Variants in WWOX observed in about 807,000 individuals in gnomAD.
WWOX encodes the protein WW domain-containing oxidoreductase.
A neutral mutation model predicts 46.2 loss-of-function variants in WWOX; 69 were observed. The ratio of observed to expected loss-of-function variants is 1.49; its 90% CI spans 1.23 to 1.82. The LOEUF (loss-of-function observed/expected upper bound fraction) is 1.82, where lower values mean the gene tolerates loss of function less well. Ranked by LOEUF, WWOX falls within the 40% of genes most tolerant of loss-of-function variation. The probability of loss-of-function intolerance (pLI) is 0.00; values close to 1 mark genes in which losing one functional copy is unlikely to be tolerated. For synonymous variants in WWOX, 359 were observed against 202.6 expected, an observed-to-expected ratio of 1.77 and a Z score of -6.56; for missense variants, 919 against 542.6, an observed-to-expected ratio of 1.69 and a Z score of -6.89.
At chr16:78,554,824 ACT>A (rs1026760315) in intron 8 of WWOX, among the ~76,000 whole-genome samples, 142 of 152,168 alleles carry the variant, frequency 9.3e-4, no homozygotes, top group African/African-American at 3.3e-3. Context: ...AGAGCCCCTG[ACT>A]CTGAATGGTG....
At chr16:79,040,562 C>T (rs1037862990) in intron 8 of WWOX, among the ~76,000 whole-genome samples, 2 of 152,152 alleles carry the variant, frequency 1.3e-5, no homozygotes, top group African/African-American at 4.8e-5. Context: ...AGGTATCAGC[C>T]ACTGGGCCTG....
chr16:78,162,423 C>T (rs921849463), intron 4 of WWOX, among the ~76,000 whole-genome samples: 1 of 151,888 alleles, frequency 6.6e-6, no homozygotes, highest in African/African-American at 2.4e-5. Context: ...TACACACATA[C>T]AGATACACAC....
intron 8 of WWOX, among the ~76,000 whole-genome samples, chr16:78,518,739 A>G (rs1321670178): frequency 6.6e-6 from 1 of 152,208 alleles, no homozygotes; most frequent in Admixed American, 6.5e-5. Context: ...GAAGGTCCCA[A>G]TGGCACCAGA....
At chr16:78,617,682 A>G (rs1317579613) in intron 8 of WWOX, among the ~76,000 whole-genome samples, 2 of 152,140 alleles carry the variant, frequency 1.3e-5, no homozygotes, top group African/African-American at 2.4e-5. Flanking sequence ...CAGGTATTCC[A>G]GTGGGCCCCG....
chr16:79,052,788 T>C (rs991724745), intron 8 of WWOX, among the ~76,000 whole-genome samples: 4 of 152,234 alleles, frequency 2.6e-5, no homozygotes, highest in African/African-American at 9.6e-5. Flanking sequence ...CTGAGGAAAT[T>C]AAATTCCTGT....
chr16:78,894,133 G>C (rs1416141171), intron 8 of WWOX, among the ~76,000 whole-genome samples: 1 of 151,428 alleles, frequency 6.6e-6, no homozygotes, highest in East Asian at 1.9e-4. Flanking sequence ...TGACCTCCTG[G>C]GCTCAAGCAA....
At chr16:78,674,216 A>G (rs1334211887) in intron 8 of WWOX, among the ~76,000 whole-genome samples, 4 of 151,722 alleles carry the variant, frequency 2.6e-5, no homozygotes, top group East Asian at 1.9e-4. Flanking sequence ...AGGGAGGAAC[A>G]TAGGGTGCAT....
At chr16:78,695,008 G>A (rs894556231) in intron 8 of WWOX, among the ~76,000 whole-genome samples, 1 of 151,978 alleles carries the variant, frequency 6.6e-6, no homozygotes, top group Non-Finnish European at 1.5e-5. Flanking sequence ...GTAAACACAG[G>A]GAATAGATGA....
intron 8 of WWOX, among the ~76,000 whole-genome samples, chr16:78,729,998 T>A (rs922465900): frequency 6.6e-6 from 1 of 152,150 alleles, no homozygotes; most frequent in Non-Finnish European, 1.5e-5. Flanking sequence ...CCTTGCAACA[T>A]CATCCTTGTG....
chr16:78,886,650 A>C (rs1470038144), intron 8 of WWOX, among the ~76,000 whole-genome samples: 1 of 148,756 alleles, frequency 6.7e-6, no homozygotes, highest in East Asian at 1.9e-4. Flanking sequence ...ATATATATAT[A>C]TATATATGTA....
intron 5 of WWOX, among the ~76,000 whole-genome samples, chr16:78,272,069 A>G (rs1228652332): frequency 6.6e-6 from 1 of 152,216 alleles, no homozygotes; most frequent in East Asian, 1.9e-4. Flanking sequence ...CAATTTATGT[A>G]TAGCCGCATA....
chr16:78,561,381 G>C (rs1487243410), intron 8 of WWOX, among the ~76,000 whole-genome samples: 4 of 151,970 alleles, frequency 2.6e-5, no homozygotes, highest in Non-Finnish European at 4.4e-5. Context: ...TGATGTCTAG[G>C]TCTGGATTTC....
chr16:78,626,074 T>A (rs902378978), intron 8 of WWOX, among the ~76,000 whole-genome samples: 23 of 151,938 alleles, frequency 1.5e-4, no homozygotes, highest in African/African-American at 5.6e-4. Context: ...TTTAAAAAAT[T>A]TTTTACCTAA....
chr16:78,635,789 T>C (rs1408425906), intron 8 of WWOX, among the ~76,000 whole-genome samples: 1 of 152,182 alleles, frequency 6.6e-6, no homozygotes, highest in African/African-American at 2.4e-5. Flanking sequence ...ATGTCCATGT[T>C]GGAAAAACAG....
chr16:78,399,879 G>C (rs1286948380), intron 6 of WWOX, among the ~76,000 whole-genome samples: 1 of 152,142 alleles, frequency 6.6e-6, no homozygotes, highest in Admixed American at 6.5e-5. Flanking sequence ...CCAGTAAATT[G>C]TTGAGAAGCT....
chr16:78,147,702 A>ATT (rs1567598476), intron 4 of WWOX, among the ~76,000 whole-genome samples: 1 of 102,564 alleles, frequency 9.8e-6, no homozygotes, highest in Non-Finnish European at 2.2e-5. Context: ...TTTTTAAAAA[A>ATT]AAAAAAGGTG....
In WWOX at chr16:78,125,743, C is replaced by T. The variant is rs151041015; in HGVS notation, c.409+10589C>T. Among the ~76,000 whole-genome samples, 21 of 152,166 alleles carry T rather than the reference C, an allele frequency of 1.4e-4. No homozygotes were observed. The East Asian group carries it at 3.7e-3, about 27-fold the overall frequency. On this transcript the variant is annotated intron_variant, in intron 4 of 8. Transcript: ENST00000566780. ...AAGCTGAAGCTTTCTTTACCAAAACCACTTTGGTATTATGATTGTAAAACA... is the reference window on the plus strand; with the variant it reads ...AAGCTGAAGCTTTCTTTACCAAAACTACTTTGGTATTATGATTGTAAAACA...
At chr16:78,871,469 C>T (rs1597087753) in intron 8 of WWOX, among the ~76,000 whole-genome samples, 3 of 152,332 alleles carry the variant, frequency 2.0e-5, no homozygotes, top group African/African-American at 4.8e-5. Context: ...AGTGCTTCTG[C>T]ACCTGGGTGG....
intron 5 of WWOX, among the ~76,000 whole-genome samples, chr16:78,265,222 A>G (rs1262399794): frequency 6.6e-6 from 1 of 151,106 alleles, no homozygotes; most frequent in Non-Finnish European, 1.5e-5. Flanking sequence ...GCTGGTCTTG[A>G]ACTCCTGACC....
Sources: gnomAD v4.1 joint callset for allele counts (sites outside exome capture counted in the v4.1 genomes callset) on GRCh38, gnomAD v4.1.1 for gene constraint, MANE v1.5 for transcripts, NCBI Gene and HGNC (gene_info 2026-07-23, HGNC 2026-07-21) for gene names.